The following KLF12 variants were observed in gnomAD, a reference collection of about 807,000 sequenced individuals.
The protein encoded by KLF12 is Krueppel-like factor 12.
KLF12 carries 9 observed loss-of-function variants against 37.8 expected under a neutral mutation model. The observed-to-expected ratio is 0.24, with a 90% CI of 0.14 to 0.42. The LOEUF is 0.42. Ranked by LOEUF, KLF12 falls within the 10% of genes least tolerant of loss-of-function variation. The pLI, the probability that KLF12 is intolerant of heterozygous loss-of-function variation, is 1.00. For missense variants in KLF12, 411 were observed against 516.0 expected (o/e 0.80, Z 1.97); for synonymous variants, 208 against 202.1 (o/e 1.03, Z -0.25).
intron 3 of KLF12, among the ~76,000 whole-genome samples, chr13:73,849,697 A>G (rs1341746048): frequency 6.6e-6 from 1 of 152,190 alleles, no homozygotes; most frequent in Admixed American, 6.5e-5. Context: ...CACTTCTGCA[A>G]AAAGGACAAA....
intron 1 of KLF12, among the ~76,000 whole-genome samples, chr13:74,094,629 T>TCA (rs964371545): frequency 2.7e-5 from 4 of 150,688 alleles, no homozygotes; most frequent in African/African-American, 9.8e-5. Context: ...AGATGGAGTA[T>TCA]CACTCTGTTG....
At chr13:74,017,623 C>G (rs1156990633) in intron 1 of KLF12, among the ~76,000 whole-genome samples, 1 of 123,424 alleles carries the variant, frequency 8.1e-6, no homozygotes, top group Admixed American at 1.1e-4. Context: ...GGATCATTAT[C>G]TTTTTCGTTA....
intron 1 of KLF12, among the ~76,000 whole-genome samples, chr13:74,074,334 C>T (rs767656428): frequency 3.3e-5 from 5 of 152,174 alleles, no homozygotes; most frequent in Non-Finnish European, 5.9e-5. Flanking sequence ...AGCATGTGTC[C>T]TCTTGCTCCC....
intron 7 of KLF12, among the ~76,000 whole-genome samples, chr13:73,697,856 G>A (rs767969142): frequency 1.3e-5 from 2 of 152,144 alleles, no homozygotes; most frequent in Non-Finnish European, 2.9e-5. Context: ...GAGTAAACAT[G>A]AGATTAGATA....
chr13:73,742,625 T>G (rs899391049), intron 6 of KLF12, among the ~76,000 whole-genome samples: 3 of 152,184 alleles, frequency 2.0e-5, no homozygotes, highest in Admixed American at 6.5e-5. Context: ...ACATTTCAAA[T>G]GTATCATTTT....
chr13:73,883,378 T>G (rs1887071680), intron 3 of KLF12, among the ~76,000 whole-genome samples: 1 of 152,172 alleles, frequency 6.6e-6, no homozygotes, highest in African/African-American at 2.4e-5. Context: ...TAAATTTAAA[T>G]GTCCTTGCCA....
intron 3 of KLF12, among the ~76,000 whole-genome samples, chr13:73,867,976 G>A (rs1380568854): frequency 6.6e-6 from 1 of 150,602 alleles, no homozygotes; most frequent in Non-Finnish European, 1.5e-5. Flanking sequence ...AGCCAAGATT[G>A]TGCTATTGCA....
At chr13:73,851,602 G>C (rs1191250752) in intron 3 of KLF12, among the ~76,000 whole-genome samples, 1 of 152,060 alleles carries the variant, frequency 6.6e-6, no homozygotes, top group Admixed American at 6.6e-5. Context: ...ATAACAAATA[G>C]ATTCAAATAA....
intron 1 of KLF12, among the ~76,000 whole-genome samples, chr13:74,035,210 T>C (rs754959061): frequency 3.3e-5 from 5 of 152,224 alleles, no homozygotes; most frequent in Admixed American, 6.5e-5. Context: ...AACCTATGCA[T>C]ATCCTCCCAT....
intron 7 of KLF12, among the ~76,000 whole-genome samples, chr13:73,709,446 C>G (rs921969971): frequency 9.2e-5 from 14 of 152,116 alleles, no homozygotes; most frequent in African/African-American, 3.1e-4. Context: ...AAAGGTAAGG[C>G]TAAGAAGATG....
chr13:74,088,740 T>C (rs1360818132), intron 1 of KLF12, among the ~76,000 whole-genome samples: 1 of 152,212 alleles, frequency 6.6e-6, no homozygotes, highest in South Asian at 2.1e-4. Context: ...CCTAAACTTG[T>C]ACTTCTGAAA....
chr13:73,716,492 TA>T (rs1228573429), intron 6 of KLF12, among the ~76,000 whole-genome samples: 17 of 152,296 alleles, frequency 1.1e-4, no homozygotes, highest in African/African-American at 4.1e-4. Flanking sequence ...TTTTTATTGG[TA>T]AATCACCTCT....
At chr13:74,204,793 A>G in the KLF12 span, among the ~76,000 whole-genome samples, 2 of 152,122 alleles carry the variant, frequency 1.3e-5, no homozygotes, top group Admixed American at 1.3e-4. Context: ...AGGTTGGTGG[A>G]TGATTGTACC....
chr13:73,868,038 A>G (rs1196287706), intron 3 of KLF12, among the ~76,000 whole-genome samples: 1 of 140,428 alleles, frequency 7.1e-6, no homozygotes, highest in African/African-American at 2.8e-5. Flanking sequence ...AAAAAAAAAG[A>G]AAAAAAAAAT....
In KLF12 at chr13:73,897,963, T is replaced by C. The variant is rs1463741385; in HGVS notation, c.123+46018A>G. 2.0e-5 allele frequency among the ~76,000 whole-genome samples: 3 copies of C among 152,222 alleles called. No homozygotes were observed. The East Asian group carries it at 5.8e-4, about 29-fold the overall frequency. Reference sequence around the variant, plus strand: ...CTTGCCCTATTAGTTTCAGATATTCTGAACTTTAAGTTCTTCAAGATTCTA... The same window carrying C: ...CTTGCCCTATTAGTTTCAGATATTCCGAACTTTAAGTTCTTCAAGATTCTA... On this transcript the variant is annotated intron_variant, in intron 3 of 7. Transcript: ENST00000377669.
At chr13:74,290,483 C>T in the KLF12 span, among the ~76,000 whole-genome samples, 2 of 152,230 alleles carry the variant, frequency 1.3e-5, no homozygotes, top group East Asian at 3.8e-4. Flanking sequence ...CCCTCCACCC[C>T]TCTGCGTGAA....
intron 3 of KLF12, among the ~76,000 whole-genome samples, chr13:73,934,922 C>T (rs993509252): frequency 2.0e-5 from 3 of 150,592 alleles, no homozygotes; most frequent in Non-Finnish European, 4.4e-5. Flanking sequence ...TCTCTCTGTG[C>T]TTTGTGCTTT....
the KLF12 span, among the ~76,000 whole-genome samples, chr13:74,151,652 CAATA>C: frequency 4.9e-5 from 7 of 142,366 alleles, no homozygotes; most frequent in Admixed American, 2.1e-4. Context: ...GACCCCATCT[CAATA>C]AATAAATAAA....
chr13:73,797,180 C>T (rs1036175434), intron 5 of KLF12, among the ~76,000 whole-genome samples: 2 of 152,170 alleles, frequency 1.3e-5, no homozygotes, highest in African/African-American at 2.4e-5. Flanking sequence ...AAAATAACCT[C>T]AGGGATCGTC....
Sources: allele counts gnomAD v4.1 joint callset (sites outside exome capture counted in the v4.1 genomes callset), GRCh38; gene constraint gnomAD v4.1.1; transcripts MANE v1.5; gene names NCBI Gene and HGNC (gene_info 2026-07-23, HGNC 2026-07-21).